Variants in FA2H observed in about 807,000 individuals in gnomAD.
The protein encoded by FA2H is fatty acid 2-hydroxylase.
A neutral mutation model predicts 44.9 loss-of-function variants in FA2H; 22 were observed. That is an observed-to-expected ratio of 0.49 (90% CI 0.35 to 0.70). The LOEUF (loss-of-function observed/expected upper bound fraction) is 0.70. Among genes scored for constraint, FA2H ranks in the 30% least tolerant of loss-of-function variants. The pLI is 0.01. For missense variants in FA2H, 501 were observed against 504.9 expected (o/e 0.99, Z 0.07); for synonymous variants, 243 against 213.2 (o/e 1.14, Z -1.22).
At chr16:74,762,889 T>A (rs905428078) in intron 1 of FA2H, among the ~76,000 whole-genome samples, 2 of 152,004 alleles carry the variant, frequency 1.3e-5, no homozygotes, top group Non-Finnish European at 2.9e-5. Context: ...TCTACTTGGG[T>A]CTAAGGAACA....
intron 4 of FA2H, among the ~76,000 whole-genome samples, chr16:74,724,098 C>T (rs1961897939): frequency 6.6e-6 from 1 of 152,094 alleles, no homozygotes. Flanking sequence ...GACTGGGTTT[C>T]ACCATGTTGG....
intron 6 of FA2H, among the ~76,000 whole-genome samples, chr16:74,714,932 G>T (rs556122427): frequency 6.6e-6 from 1 of 151,420 alleles, no homozygotes; most frequent in East Asian, 1.9e-4. Flanking sequence ...CGCCTCCTGG[G>T]TCCAAGAGAT....
intron 1 of FA2H, chr16:74,741,104 C>T (rs1382115743): frequency 6.6e-6 from 1 of 152,280 alleles, no homozygotes; most frequent in African/African-American, 2.4e-5. Context: ...CCCCAGCCAG[C>T]TCTGACGTCA....
At chr16:74,744,807 A>G (rs1221533856) in intron 1 of FA2H, among the ~76,000 whole-genome samples, 1 of 152,094 alleles carries the variant, frequency 6.6e-6, no homozygotes, top group African/African-American at 2.4e-5. Context: ...GCTGGTCTCA[A>G]ACTCCTAAGC....
At chr16:74,772,682 G>T (rs1962931534) in intron 1 of FA2H, among the ~76,000 whole-genome samples, 1 of 152,200 alleles carries the variant, frequency 6.6e-6, no homozygotes, top group Non-Finnish European at 1.5e-5. Flanking sequence ...GGGGACAATT[G>T]TTGGTTTTCA....
At chr16:74,716,673 T>G in intron 5 of FA2H, 74 bp from the exon 6 acceptor site, 1 of 1,474,622 alleles carries the variant, frequency 6.8e-7, no homozygotes, top group Non-Finnish European at 9.0e-7. Context: ...GGCCACTCCC[T>G]GCAGAGGACA....
At chr16:74,753,217 C>G (rs577220158) in intron 1 of FA2H, among the ~76,000 whole-genome samples, 1 of 152,206 alleles carries the variant, frequency 6.6e-6, no homozygotes, top group African/African-American at 2.4e-5. Flanking sequence ...CAAAGTCACA[C>G]CGCCAGTTAG....
At chr16:74,730,072 C>T (rs1413721132) in intron 2 of FA2H, among the ~76,000 whole-genome samples, 1 of 152,186 alleles carries the variant, frequency 6.6e-6, no homozygotes, top group Non-Finnish European at 1.5e-5. Context: ...CCAAAGCCTG[C>T]AGCCACAGCG....
chr16:74,729,752 G>C (rs1051619932), intron 2 of FA2H, among the ~76,000 whole-genome samples: 1 of 152,096 alleles, frequency 6.6e-6, no homozygotes, highest in Non-Finnish European at 1.5e-5. Context: ...GTGAGATCCT[G>C]GACGTGCATC....
Position 74,718,650 on chromosome 16 carries a change from A to G in FA2H, c.786+338T>C, listed in dbSNP as rs1308273599. Reference sequence around the variant, plus strand: ...GCAAGGCTTTTTGTTGTTTTGTTCAATGATGTCTAGAACAGTGTCTCGCAC... The same window carrying G: ...GCAAGGCTTTTTGTTGTTTTGTTCAGTGATGTCTAGAACAGTGTCTCGCAC... On this transcript the variant is annotated intron_variant, in intron 5 of 6. Transcript: ENST00000219368. Among the ~76,000 whole-genome samples the G allele has an allele frequency of 2.0e-5, 3 of 152,342 alleles. No homozygotes were observed. The East Asian group carries it at 5.8e-4, about 29-fold the overall frequency.
intron 4 of FA2H, among the ~76,000 whole-genome samples, chr16:74,720,180 CTTTTTTTTTTTTTT>C (rs56341013): frequency 3.8e-4 from 18 of 47,200 alleles, no homozygotes; most frequent in Non-Finnish European, 4.0e-4. Context: ...CATCCTCATC[CTTTTTTTTTTTTTT>C]TTTTTTTTTT....
At chr16:74,717,468 A>G (rs1405551726) in intron 5 of FA2H, among the ~76,000 whole-genome samples, 1 of 152,190 alleles carries the variant, frequency 6.6e-6, no homozygotes, top group African/African-American at 2.4e-5. Context: ...AGGGAGGGAG[A>G]GCCCTGATTG....
intron 6 of FA2H, 99 bp from the exon 7 acceptor site, chr16:74,714,368 A>G: frequency 1.3e-6 from 1 of 787,054 alleles, no homozygotes; most frequent in South Asian, 1.5e-5. Context: ...GGTGGAGACA[A>G]TGTCAATATC....
chr16:74,730,719 C>A (rs1382573038), intron 2 of FA2H, among the ~76,000 whole-genome samples: 1 of 152,212 alleles, frequency 6.6e-6, no homozygotes, highest in South Asian at 2.1e-4. Flanking sequence ...TTTGTCCCAG[C>A]TACAGTAGCA....
At chr16:74,734,435 G>A (rs745510334) in intron 2 of FA2H, among the ~76,000 whole-genome samples, 4 of 152,230 alleles carry the variant, frequency 2.6e-5, no homozygotes, top group Non-Finnish European at 4.4e-5. Context: ...CCAACGGGCC[G>A]GGGCCCAGGA....
Position 74,758,061 on chromosome 16 carries a change from G to A in FA2H, c.270+16425C>T, listed in dbSNP as rs186974318. Reference sequence around the variant, plus strand: ...ATGTATATGGGTAGAATCTCTGTGAGATTACACAAAAAATGATGGTATTTA... The same window carrying A: ...ATGTATATGGGTAGAATCTCTGTGAAATTACACAAAAAATGATGGTATTTA... On this transcript the variant is annotated intron_variant, in intron 1 of 6. Transcript: ENST00000219368. Among the ~76,000 whole-genome samples, 10 of 150,838 alleles carry A rather than the reference G, an allele frequency of 6.6e-5. No homozygotes were observed. The East Asian group carries it at 1.9e-3, about 29-fold the overall frequency.
chr16:74,748,747 GA>G (rs1297966883), intron 1 of FA2H, among the ~76,000 whole-genome samples: 1 of 149,386 alleles, frequency 6.7e-6, no homozygotes, highest in African/African-American at 2.4e-5. Flanking sequence ...GAGGCCGCGT[GA>G]AAGGAGGCAG....
intron 5 of FA2H, 146 bp from the exon 6 acceptor site, chr16:74,716,745 G>C (rs1433040481): frequency 3.4e-6 from 3 of 872,370 alleles, no homozygotes; most frequent in Non-Finnish European, 5.1e-6. Context: ...CTTTGGGGAG[G>C]GCGGGCCACC....
rs200118098 is a variant in FA2H at position 74,718,944 on chromosome 16, G to T, written c.786+44C>A. On this transcript the variant is annotated intron_variant, in intron 5 of 6. Coordinates refer to ENST00000219368, the MANE Select transcript of FA2H (RefSeq NM_024306.5). ...CTGCGGCTGGCTGCCGGGCCCTCTC[G>T]GGCTGCACATGCTAGGTCCGGGCTG... is the stretch of plus-strand genomic sequence containing the variant. 3.7e-6 allele frequency: 6 copies of T among 1,607,172 alleles called. No homozygotes were observed. In the Admixed American group the frequency reaches 1.0e-4, roughly 27 times the overall value.
Sources: allele counts gnomAD v4.1 joint callset (sites outside exome capture counted in the v4.1 genomes callset), GRCh38; gene constraint gnomAD v4.1.1; transcripts MANE v1.5; gene names NCBI Gene and HGNC (gene_info 2026-07-23, HGNC 2026-07-21).